Variants in C8orf34 observed in about 807,000 individuals in gnomAD.
The protein encoded by C8orf34 is chromosome 8 open reading frame 34.
In C8orf34, 65 loss-of-function variants were observed where a neutral mutation model predicts 68.3. That is an observed-to-expected ratio of 0.95 (90% CI 0.78 to 1.17). The LOEUF is 1.17. Ranked by LOEUF, C8orf34 falls within the 50% of genes most tolerant of loss-of-function variation. The probability of loss-of-function intolerance (pLI) is 0.00; values close to 1 mark genes in which losing one functional copy is unlikely to be tolerated. For synonymous variants in C8orf34, 244 were observed against 241.2 expected, an observed-to-expected ratio of 1.01 and a Z score of -0.11; for missense variants, 664 against 655.4, an observed-to-expected ratio of 1.01 and a Z score of -0.14.
intron 6 of C8orf34, among the ~76,000 whole-genome samples, chr8:68,526,370 T>C (rs2129739960): frequency 6.6e-6 from 1 of 152,316 alleles, no homozygotes; most frequent in East Asian, 1.9e-4. Context: ...ATTCATTTGC[T>C]TATGTTAATA....
chr8:68,612,795 CTA>C (rs1369438870), intron 7 of C8orf34, among the ~76,000 whole-genome samples: 1 of 152,002 alleles, frequency 6.6e-6, no homozygotes, highest in African/African-American at 2.4e-5. Context: ...TATTTTTTCT[CTA>C]TGTGTGTCTG....
intron 2 of C8orf34, among the ~76,000 whole-genome samples, chr8:68,440,333 A>T (rs1053743293): frequency 6.6e-6 from 1 of 152,196 alleles, no homozygotes; most frequent in Non-Finnish European, 1.5e-5. Flanking sequence ...ACTGTACTCC[A>T]AATGACTTTC....
At chr8:68,412,070 T>C (rs1029113570) in intron 1 of C8orf34, among the ~76,000 whole-genome samples, 1 of 152,150 alleles carries the variant, frequency 6.6e-6, no homozygotes, top group Non-Finnish European at 1.5e-5. Context: ...GAGGCATAGG[T>C]CCTTACCAGA....
intron 1 of C8orf34, among the ~76,000 whole-genome samples, chr8:68,355,123 A>G (rs541968074): frequency 1.2e-4 from 19 of 152,290 alleles, no homozygotes; most frequent in Non-Finnish European, 2.5e-4. Flanking sequence ...ATACTTAAAT[A>G]CACAATTAGC....
intron 8 of C8orf34, among the ~76,000 whole-genome samples, chr8:68,693,827 T>C (rs1820750924): frequency 6.6e-6 from 1 of 152,076 alleles, no homozygotes; most frequent in Admixed American, 6.6e-5. Context: ...TGTTTAATCC[T>C]GCAGCGTCTG....
At chr8:68,463,258 G>C (rs1248427158) in intron 3 of C8orf34, among the ~76,000 whole-genome samples, 1 of 152,072 alleles carries the variant, frequency 6.6e-6, no homozygotes, top group East Asian at 1.9e-4. Context: ...TTGAATCTCT[G>C]AATAGACCAA....
chr8:68,805,879 T>C (rs1453584843), intron 12 of C8orf34, among the ~76,000 whole-genome samples: 2 of 152,100 alleles, frequency 1.3e-5, no homozygotes, highest in African/African-American at 4.8e-5. Context: ...CTTTATACTT[T>C]ATATTTTATT....
intron 11 of C8orf34, among the ~76,000 whole-genome samples, chr8:68,780,349 A>G (rs1563665651): frequency 6.6e-6 from 1 of 152,192 alleles, no homozygotes; most frequent in South Asian, 2.1e-4. Flanking sequence ...TCATACTACA[A>G]TTTCCTTGGA....
intron 1 of C8orf34, among the ~76,000 whole-genome samples, chr8:68,393,375 G>A (rs1368893007): frequency 5.3e-5 from 8 of 152,082 alleles, no homozygotes. Flanking sequence ...AAAAAATAGA[G>A]GACATTCCAT....
intron 7 of C8orf34, among the ~76,000 whole-genome samples, chr8:68,595,538 G>A (rs1039128316): frequency 1.3e-5 from 2 of 151,948 alleles, no homozygotes; most frequent in African/African-American, 4.8e-5. Context: ...TCCCTGTAAT[G>A]TTTCTTCTGG....
chr8:68,668,767 G>T (rs919491966), intron 8 of C8orf34, among the ~76,000 whole-genome samples: 1 of 152,156 alleles, frequency 6.6e-6, no homozygotes, highest in Non-Finnish European at 1.5e-5. Context: ...GCAGAGAAGG[G>T]CTCAAGGTGT....
intron 8 of C8orf34, among the ~76,000 whole-genome samples, chr8:68,679,003 A>G (rs1413968722): frequency 6.6e-6 from 1 of 152,126 alleles, no homozygotes; most frequent in Non-Finnish European, 1.5e-5. Flanking sequence ...TATCCCATTT[A>G]CAATAGCTAC....
chr8:68,743,903 G>A (rs1822388204), intron 10 of C8orf34, among the ~76,000 whole-genome samples: 1 of 152,210 alleles, frequency 6.6e-6, no homozygotes, highest in Admixed American at 6.5e-5. Flanking sequence ...AGGCCTGCCT[G>A]CCTCTGTAGG....
chr8:68,547,311 C>T (rs1815916861), intron 7 of C8orf34, among the ~76,000 whole-genome samples: 1 of 151,712 alleles, frequency 6.6e-6, no homozygotes, highest in Non-Finnish European at 1.5e-5. Context: ...TGACAAAACA[C>T]ATCACAGCAG....
chr8:68,440,393 C>T lies in C8orf34; in HGVS notation c.475+747C>T, dbSNP rs374899491. Among the ~76,000 whole-genome samples the T allele has an allele frequency of 2.6e-5, 4 of 152,198 alleles. No individual in the cohort carries two copies. The East Asian group carries it at 7.7e-4, about 29-fold the overall frequency. ...CCACCTCTTCATGCTTTATGGGATC[C>T]CATGAAAGGATTTTGGTCTTCTTTG... On this transcript the variant is annotated intron_variant, in intron 2 of 13. Transcript: ENST00000518698.
intron 10 of C8orf34, among the ~76,000 whole-genome samples, chr8:68,765,996 C>G (rs561029504): frequency 2.0e-5 from 3 of 152,040 alleles, no homozygotes; most frequent in Non-Finnish European, 4.4e-5. Context: ...AAATGTGAAA[C>G]TGGTTTTTTG....
chr8:68,432,197 A>T (rs1020293737), intron 1 of C8orf34, among the ~76,000 whole-genome samples: 1 of 151,622 alleles, frequency 6.6e-6, no homozygotes, highest in African/African-American at 2.4e-5. Context: ...AAGTGCATAT[A>T]TGTTGTCTGG....
At chr8:68,413,193 T>C (rs1195333695) in intron 1 of C8orf34, among the ~76,000 whole-genome samples, 1 of 152,194 alleles carries the variant, frequency 6.6e-6, no homozygotes, top group African/African-American at 2.4e-5. Context: ...CCTGGATCAC[T>C]ATTTCACGTT....
chr8:68,567,263 T>A (rs1276322239), intron 7 of C8orf34, among the ~76,000 whole-genome samples: 1 of 150,334 alleles, frequency 6.7e-6, no homozygotes. Flanking sequence ...GTGCTGGACT[T>A]TTTTTTGTTG....
Sources: allele counts gnomAD v4.1 joint callset (sites outside exome capture counted in the v4.1 genomes callset), GRCh38; gene constraint gnomAD v4.1.1; transcripts MANE v1.5; gene names NCBI Gene and HGNC (gene_info 2026-07-23, HGNC 2026-07-21).